Variants in SRPK1 observed in about 807,000 individuals in gnomAD.
SRPK1 encodes SRSF protein kinase 1, also known as SFRS protein kinase 1.
In SRPK1, 52 loss-of-function variants were observed where a neutral mutation model predicts 89.5. That is an observed-to-expected ratio of 0.58 (90% CI 0.46 to 0.73). The LOEUF is 0.73. Ranked by LOEUF, SRPK1 falls within the 30% of genes least tolerant of loss-of-function variation. The pLI is 0.00. For synonymous variants in SRPK1, 255 were observed against 270.2 expected, an observed-to-expected ratio of 0.94 and a Z score of 0.55; for missense variants, 603 against 780.6, an observed-to-expected ratio of 0.77 and a Z score of 2.71.
At chr6:35,873,687 G>C (rs1348180014) in intron 7 of SRPK1, among the ~76,000 whole-genome samples, 2 of 151,444 alleles carry the variant, frequency 1.3e-5, no homozygotes, top group Non-Finnish European at 2.9e-5. Context: ...ACGGGGTTTC[G>C]CACTGTTGGC....
chr6:35,876,781 TCAGA>T (rs965042464), intron 6 of SRPK1, among the ~76,000 whole-genome samples: 1 of 152,154 alleles, frequency 6.6e-6, no homozygotes, highest in African/African-American at 2.4e-5. Flanking sequence ...ACTCTGGACA[TCAGA>T]CAACAAGTAC....
At chr6:35,917,118 T>C (rs1010380021) in intron 2 of SRPK1, among the ~76,000 whole-genome samples, 2 of 152,066 alleles carry the variant, frequency 1.3e-5, no homozygotes, top group African/African-American at 4.8e-5. Flanking sequence ...TAAAAGCTTA[T>C]GACAAACAAA....
intron 6 of SRPK1, among the ~76,000 whole-genome samples, chr6:35,880,790 A>G (rs1330633387): frequency 1.6e-5 from 1 of 63,290 alleles, no homozygotes; most frequent in Non-Finnish European, 3.7e-5. Flanking sequence ...AGAATATTTG[A>G]AAAAAAAAAC....
At position 35,833,475 on chromosome 6, in the gene SRPK1, TTTAGATGTAAAAACAGCTG is replaced by T. The variant is rs1389878078; in HGVS notation, c.*1810_*1828del. 6.6e-6 allele frequency: 1 copy of T among 152,632 alleles called. No homozygotes were observed. Among genetic ancestry groups the T allele is most frequent in the Non-Finnish European group, 1.5e-5 (1 of 68,040 alleles). 9.5% of individuals were successfully genotyped at this position (152,632 alleles called of 1,614,324 possible). A position where few individuals can be genotyped will look rare whatever the true frequency, so the allele number is the denominator to read the frequency against. Reference sequence around the variant, plus strand: ...AGATAATTCAGTTCTAGTCTATTGCTTTAGATGTAAAAACAGCTGAAAACCCAAAGTGGATTAGAATTGC... The same window carrying T: ...AGATAATTCAGTTCTAGTCTATTGCTAAAACCCAAAGTGGATTAGAATTGC... On this transcript the variant is annotated 3_prime_UTR_variant, in exon 16 of 16. Transcript: ENST00000373825.
chr6:35,895,180 T>C (rs1561990842), intron 2 of SRPK1, among the ~76,000 whole-genome samples: 1 of 152,110 alleles, frequency 6.6e-6, no homozygotes, highest in Non-Finnish European at 1.5e-5. Flanking sequence ...AAAAGTTATG[T>C]AATTATAGCA....
At chr6:35,840,351 A>G (rs1769280330) in intron 14 of SRPK1, among the ~76,000 whole-genome samples, 1 of 152,146 alleles carries the variant, frequency 6.6e-6, no homozygotes, top group African/African-American at 2.4e-5. Context: ...GTTTTGACTG[A>G]ATTTATGGTT....
intron 2 of SRPK1, among the ~76,000 whole-genome samples, chr6:35,916,903 T>C (rs1392829994): frequency 6.6e-6 from 1 of 151,688 alleles, no homozygotes; most frequent in Non-Finnish European, 1.5e-5. Context: ...CCCCGAAAAA[T>C]ACAAAAATTA....
intron 2 of SRPK1, 42 bp from the exon 3 acceptor site, chr6:35,891,055 G>A: frequency 6.5e-7 from 1 of 1,529,152 alleles, no homozygotes; most frequent in East Asian, 2.5e-5. Flanking sequence ...TTGGACAGAA[G>A]AAAATAAGAC....
intron 2 of SRPK1, among the ~76,000 whole-genome samples, chr6:35,899,599 C>T (rs1185858858): frequency 6.6e-6 from 1 of 152,130 alleles, no homozygotes; most frequent in Non-Finnish European, 1.5e-5. Context: ...TACACATCTG[C>T]CCCCAACAGA....
intron 6 of SRPK1, among the ~76,000 whole-genome samples, chr6:35,880,431 T>G (rs544184021): frequency 6.6e-6 from 1 of 151,488 alleles, no homozygotes; most frequent in South Asian, 2.1e-4. Context: ...AGAAGAAGAA[T>G]AGAGGAGGAG....
Position 35,915,210 on chromosome 6 carries a change from C to T in SRPK1, c.74+5258G>A, listed in dbSNP as rs914941743. On this transcript the variant is annotated intron_variant, in intron 2 of 15. Transcript: ENST00000373825. Reference sequence around the variant, plus strand: ...CGACGTCAGGAGATCGAGACCATCTCGGCTAACACAGTTAAACCTCGTCTC... The same window carrying T: ...CGACGTCAGGAGATCGAGACCATCTTGGCTAACACAGTTAAACCTCGTCTC... 4.2e-4 allele frequency among the ~76,000 whole-genome samples: 64 copies of T among 151,984 alleles called. 1 individual carries two copies. The highest frequency in any genetic ancestry group is 2.9e-3 in the Admixed American group (45 of 15,292).
chr6:35,846,841 C>T (rs1769436569), intron 13 of SRPK1, among the ~76,000 whole-genome samples: 1 of 152,092 alleles, frequency 6.6e-6, no homozygotes. Context: ...AAACATATAA[C>T]GAAGAAGTAA....
intron 13 of SRPK1, 90 bp from the exon 14 acceptor site, chr6:35,842,694 T>G: frequency 3.8e-6 from 3 of 780,664 alleles, no homozygotes; most frequent in Non-Finnish European, 5.7e-6. Context: ...ATGAAGTAAC[T>G]CTTGTTCCCT....
chr6:35,920,708 G>C (rs1354171074), intron 1 of SRPK1, 180 bp from the exon 2 acceptor site: 1 of 245,750 alleles, frequency 4.1e-6, no homozygotes, highest in East Asian at 9.8e-5. Flanking sequence ...AGCAGCGCCC[G>C]GGCGGGATGC....
At chr6:35,908,295 C>G (rs1318101213) in intron 2 of SRPK1, among the ~76,000 whole-genome samples, 1 of 152,180 alleles carries the variant, frequency 6.6e-6, no homozygotes, top group Non-Finnish European at 1.5e-5. Flanking sequence ...AAGTTTGGAG[C>G]TTCCTAGAGA....
chr6:35,848,723 T>G (rs1469532478), intron 13 of SRPK1, among the ~76,000 whole-genome samples: 2 of 152,190 alleles, frequency 1.3e-5, no homozygotes, highest in Non-Finnish European at 2.9e-5. Context: ...CAAGTGATCT[T>G]TGACAAAATT....
At chr6:35,916,920 C>T (rs1467075067) in intron 2 of SRPK1, among the ~76,000 whole-genome samples, 2 of 152,048 alleles carry the variant, frequency 1.3e-5, no homozygotes, top group Non-Finnish European at 2.9e-5. Context: ...ATTAGCCGGG[C>T]GTGGTGGCAG....
In SRPK1 at chr6:35,886,768, A is replaced by G. The variant is rs1156462434; in HGVS notation, c.434T>C (p.Val145Ala). 1 of 1,611,722 alleles carries G rather than the reference A, an allele frequency of 6.2e-7. No homozygotes were observed. The highest frequency in any genetic ancestry group is 8.5e-7 in the Non-Finnish European group (1 of 1,178,004). The change falls in exon 6 of 16, where the codon GTT becomes GCT. Residue 145 changes from valine to alanine, a missense_variant. Val to Ala is a moderately conservative substitution (Grantham distance 64). Transcript: ENST00000373825. ...DPNDPNREMVVQLLDDFKISG... is the reference protein window; with the variant it reads ...DPNDPNREMVAQLLDDFKISG... ...TATTTTAAAGTCATCTAGTAGTTGA[A>G]CAACCATTTCTCTATTTGGATCATT... is the stretch of plus-strand genomic sequence containing the variant.
chr6:35,919,226 A>C (rs1771174961), intron 2 of SRPK1, among the ~76,000 whole-genome samples: 1 of 152,256 alleles, frequency 6.6e-6, no homozygotes, highest in Non-Finnish European at 1.5e-5. Context: ...TTCGTCACCA[A>C]GCACTTACAA....
Sources: gnomAD v4.1 joint callset for allele counts (sites outside exome capture counted in the v4.1 genomes callset) on GRCh38, gnomAD v4.1.1 for gene constraint, MANE v1.5 for transcripts, NCBI Gene and HGNC (gene_info 2026-07-23, HGNC 2026-07-21) for gene names.